The following MRTFB variants were observed in gnomAD, a reference collection of about 807,000 sequenced individuals.
The protein encoded by MRTFB is myocardin related transcription factor B.
In MRTFB, 29 loss-of-function variants were observed where a neutral mutation model predicts 104.2. That is an observed-to-expected ratio of 0.28 (90% confidence interval 0.21 to 0.38). The LOEUF (loss-of-function observed/expected upper bound fraction) is 0.38, where lower values mean the gene tolerates loss of function less well. MRTFB is among the 10% of genes least tolerant of loss of function. The pLI, the probability that MRTFB is intolerant of heterozygous loss-of-function variation, is 1.00. For missense variants in MRTFB, 1,270 were observed against 1,341.6 expected (o/e 0.95, Z 0.83); for synonymous variants, 535 against 519.5 (o/e 1.03, Z -0.41).
At chr16:14,236,021 T>A (rs1188680489) in intron 9 of MRTFB, among the ~76,000 whole-genome samples, 1 of 151,876 alleles carries the variant, frequency 6.6e-6, no homozygotes, top group South Asian at 2.1e-4. Flanking sequence ...CTCTATAAAG[T>A]GTACAAAAAA....
intron 3 of MRTFB, among the ~76,000 whole-genome samples, chr16:14,209,353 A>G (rs1306538345): frequency 2.6e-5 from 4 of 152,228 alleles, no homozygotes; most frequent in African/African-American, 9.6e-5. Context: ...CTTGGTTTTC[A>G]TCCATGGTTT....
intron 3 of MRTFB, among the ~76,000 whole-genome samples, chr16:14,182,394 T>TA (rs2039800503): frequency 6.6e-6 from 1 of 151,956 alleles, no homozygotes; most frequent in Admixed American, 6.5e-5. Flanking sequence ...GGGCCACAAA[T>TA]ACAGAAAAAA....
At chr16:14,170,870 A>G (rs573647963) in intron 3 of MRTFB, among the ~76,000 whole-genome samples, 25 of 152,332 alleles carry the variant, frequency 1.6e-4, no homozygotes, top group Middle Eastern at 6.8e-3. Context: ...GGTAATTGCT[A>G]AGTGGTAATA....
the MRTFB span, among the ~76,000 whole-genome samples, chr16:14,000,014 C>T: frequency 6.6e-6 from 1 of 152,174 alleles, no homozygotes; most frequent in Non-Finnish European, 1.5e-5. Context: ...CACCATAGCA[C>T]TGTGACTCTC....
intron 1 of MRTFB, among the ~76,000 whole-genome samples, chr16:14,071,804 C>T (rs2033716871): frequency 6.6e-6 from 1 of 152,196 alleles, no homozygotes; most frequent in African/African-American, 2.4e-5. Flanking sequence ...CCTGCGCCCC[C>T]TTCCTCTTCC....
intron 2 of MRTFB, among the ~76,000 whole-genome samples, chr16:14,114,545 C>T (rs1227379819): frequency 6.6e-6 from 1 of 152,210 alleles, no homozygotes; most frequent in African/African-American, 2.4e-5. Flanking sequence ...CCTGCCTGCA[C>T]TTGAGGCTGC....
chr16:14,184,742 T>C, intron 3 of MRTFB, among the ~76,000 whole-genome samples: 1 of 152,240 alleles, frequency 6.6e-6, no homozygotes, highest in East Asian at 1.9e-4. Flanking sequence ...TCATGGCTTC[T>C]GCTATTAAGC....
intron 2 of MRTFB, among the ~76,000 whole-genome samples, chr16:14,130,402 T>G (rs1327748108): frequency 1.3e-5 from 2 of 152,220 alleles, no homozygotes; most frequent in Non-Finnish European, 1.5e-5. Flanking sequence ...ATTTGCTACC[T>G]GCAATTTCAT....
At chr16:14,229,710 G>A (rs191516364) in intron 8 of MRTFB, among the ~76,000 whole-genome samples, 2 of 151,936 alleles carry the variant, frequency 1.3e-5, no homozygotes, top group African/African-American at 4.8e-5. Flanking sequence ...ATTTCTAGTA[G>A]GAGAAAAGTC....
At chr16:14,191,311 C>T (rs866182306) in intron 3 of MRTFB, among the ~76,000 whole-genome samples, 23 of 152,208 alleles carry the variant, frequency 1.5e-4, no homozygotes, top group African/African-American at 5.3e-4. Flanking sequence ...CTCTGGACAA[C>T]GCTACTCAGT....
chr16:14,195,143 A>G (rs903042079), intron 3 of MRTFB, among the ~76,000 whole-genome samples: 1 of 152,222 alleles, frequency 6.6e-6, no homozygotes, highest in African/African-American at 2.4e-5. Context: ...GAGCAAGTAG[A>G]TTGACTATCT....
At chr16:14,166,304 T>C (rs145667942) in intron 3 of MRTFB, among the ~76,000 whole-genome samples, 5 of 149,160 alleles carry the variant, frequency 3.4e-5, no homozygotes, top group African/African-American at 1.2e-4. Flanking sequence ...TACATATCCA[T>C]ATAATAAACA....
At chr16:14,246,084 T>C (rs2043000727) in intron 11 of MRTFB, among the ~76,000 whole-genome samples, 1 of 152,102 alleles carries the variant, frequency 6.6e-6, no homozygotes, top group Non-Finnish European at 1.5e-5. Flanking sequence ...TCCCGATCTG[T>C]AAAATGGGAA....
In MRTFB at chr16:14,246,368, G is replaced by T. The variant is rs535886623; in HGVS notation, c.1213-105G>T. On this transcript the variant is annotated intron_variant, in intron 11 of 16. Transcript: ENST00000571589. ...GTTCTACTTTCAGGTGTGCCGTAAC[G>T]CAGAGTTGTCTGACAGACATAGGCA... 7 of 1,088,196 alleles carry T rather than the reference G, an allele frequency of 6.4e-6. No individual in the cohort carries two copies. The East Asian group carries it at 1.2e-4, about 19-fold the overall frequency. The allele number at this position is 1,088,196 out of a possible 1,614,324, so 67.4% of individuals were successfully genotyped here. A position where few individuals can be genotyped will look rare whatever the true frequency, so the allele number is the denominator to read the frequency against.
At chr16:14,233,115 G>T (rs181059461) in intron 8 of MRTFB, among the ~76,000 whole-genome samples, 1 of 152,132 alleles carries the variant, frequency 6.6e-6, no homozygotes, top group Non-Finnish European at 1.5e-5. Flanking sequence ...ACCTAGTAAC[G>T]CCTTCTGTAG....
intron 3 of MRTFB, among the ~76,000 whole-genome samples, chr16:14,154,534 T>A (rs899460978): frequency 6.6e-5 from 10 of 152,378 alleles, no homozygotes; most frequent in African/African-American, 2.4e-4. Flanking sequence ...ATATGTGGTA[T>A]AATAGTTATC....
At chr16:14,252,131 G>C in intron 14 of MRTFB, 108 bp downstream of exon 14, 1 of 1,336,996 alleles carries the variant, frequency 7.5e-7, no homozygotes, top group Non-Finnish European at 1.0e-6. Flanking sequence ...GGATAAAATT[G>C]TTGAAAATAC....
At chr16:14,086,164 G>A (rs137908345) in intron 2 of MRTFB, among the ~76,000 whole-genome samples, 2,417 of 152,278 alleles carry the variant, frequency 0.016, 142 homozygotes, top group Admixed American at 0.11. Context: ...TTGATTGCCA[G>A]CCTTTGAGAA....
chr16:14,110,210 G>C (rs189534659), intron 2 of MRTFB, among the ~76,000 whole-genome samples: 4 of 152,374 alleles, frequency 2.6e-5, no homozygotes, highest in Admixed American at 2.0e-4. Context: ...AGCCAGACCA[G>C]CAGCCTTGAA....
Sources: allele counts gnomAD v4.1 joint callset (sites outside exome capture counted in the v4.1 genomes callset), GRCh38; gene constraint gnomAD v4.1.1; transcripts MANE v1.5; gene names NCBI Gene and HGNC (gene_info 2026-07-23, HGNC 2026-07-21).